Variants in SLC35F1 observed in about 807,000 individuals in gnomAD.
SLC35F1 encodes chromosome 6 open reading frame 169.
In SLC35F1, 14 loss-of-function variants were observed where a neutral mutation model predicts 48.7. The observed-to-expected ratio is 0.29, with a 90% CI of 0.19 to 0.45. SLC35F1 has a LOEUF of 0.45. Among genes scored for constraint, SLC35F1 ranks in the 20% least tolerant of loss-of-function variants. The pLI is 1.00. For missense variants in SLC35F1, 404 were observed against 500.0 expected (o/e 0.81, Z 1.83); for synonymous variants, 190 against 202.2 (o/e 0.94, Z 0.51).
chr6:117,933,966 T>C (rs766450351), intron 1 of SLC35F1, among the ~76,000 whole-genome samples: 2 of 151,822 alleles, frequency 1.3e-5, no homozygotes, highest in Non-Finnish European at 2.9e-5. Flanking sequence ...TTCCATTCAA[T>C]GGAAATAACA....
intron 2 of SLC35F1, among the ~76,000 whole-genome samples, chr6:118,230,681 A>G (rs886790440): frequency 1.3e-5 from 2 of 152,188 alleles, no homozygotes; most frequent in Non-Finnish European, 2.9e-5. Context: ...TAAAAGATAC[A>G]TAACAAAATC....
chr6:118,279,673 A>AG (rs957781225), intron 6 of SLC35F1, among the ~76,000 whole-genome samples: 3 of 152,206 alleles, frequency 2.0e-5, no homozygotes, highest in African/African-American at 7.2e-5. Flanking sequence ...TCACAGAGGC[A>AG]GGGAGATATC....
rs2114789961 is a variant in SLC35F1, at chr6:117,907,653, T to G, written c.-74T>G. 2 of 907,494 alleles carry G rather than the reference T, an allele frequency of 2.2e-6. No individual in the cohort carries two copies. The highest frequency in any genetic ancestry group is 3.1e-6 in the Non-Finnish European group (2 of 649,166). 56.2% of individuals were successfully genotyped at this position (907,494 alleles called of 1,614,324 possible). ...GCCGCCCGGCCGGGTCCTCTGCGCG[T>G]TCCCGGGCCCGGAACCGGCACACGA... On this transcript the variant is annotated 5_prime_UTR_variant, in exon 1 of 8. Transcript: ENST00000360388.
intron 1 of SLC35F1, among the ~76,000 whole-genome samples, chr6:118,003,921 A>G (rs1042137405): frequency 3.9e-5 from 6 of 152,196 alleles, no homozygotes; most frequent in African/African-American, 1.4e-4. Context: ...GTTCAGTCTC[A>G]GTATCCTTAT....
intron 1 of SLC35F1, among the ~76,000 whole-genome samples, chr6:118,122,696 G>A (rs1016470080): frequency 3.3e-5 from 5 of 152,146 alleles, no homozygotes; most frequent in African/African-American, 1.2e-4. Flanking sequence ...ATTCCCTCAT[G>A]AAGGAACTAA....
chr6:118,009,743 A>C (rs1777221261), intron 1 of SLC35F1, among the ~76,000 whole-genome samples: 1 of 152,196 alleles, frequency 6.6e-6, no homozygotes, highest in South Asian at 2.1e-4. Flanking sequence ...AACTGAGTGC[A>C]CAAAATGACA....
chr6:118,091,568 T>C (rs932549154), intron 1 of SLC35F1, among the ~76,000 whole-genome samples: 2 of 152,202 alleles, frequency 1.3e-5, no homozygotes, highest in African/African-American at 4.8e-5. Context: ...ATCTTTTTCC[T>C]GATAAATTAC....
rs1227959504 is a variant in SLC35F1 at position 118,069,457 on chromosome 6, G to A, written c.174-84988G>A. Among the ~76,000 whole-genome samples, 3 of 151,970 alleles carry A rather than the reference G, an allele frequency of 2.0e-5. No homozygotes were observed. The East Asian group carries it at 5.8e-4, about 29-fold the overall frequency. On this transcript the variant is annotated intron_variant, in intron 1 of 7. Coordinates refer to ENST00000360388, the MANE Select transcript of SLC35F1 (RefSeq NM_001029858.4). ...GTATTATTTAATATCTTTTTTTCCA[G>A]GCTCTTTCTCCTGGAATATGTCTAA...
chr6:118,314,023 T>C lies in SLC35F1; in HGVS notation c.1003-5T>C, dbSNP rs973426206. 1.9e-6 allele frequency: 3 copies of C among 1,614,122 alleles called. No homozygotes were observed. The Admixed American group carries it at 5.0e-5, about 27-fold the overall frequency. ...TCAAATGACTTTACTGTTGTGTTTTTTTAGTTTTCAGGACTTTATCTCCTG... is the reference window on the plus strand; with the variant it reads ...TCAAATGACTTTACTGTTGTGTTTTCTTAGTTTTCAGGACTTTATCTCCTG... On this transcript the variant is annotated splice_polypyrimidine_tract_variant and splice_region_variant and intron_variant, in intron 7 of 7. Coordinates refer to ENST00000360388, the MANE Select transcript of SLC35F1 (RefSeq NM_001029858.4).
chr6:118,298,901 A>G (rs283066), intron 7 of SLC35F1, among the ~76,000 whole-genome samples: 84,356 of 152,140 alleles, frequency 0.55, 24,057 homozygotes, highest in African/African-American at 0.68. Context: ...TGTGCTGGGC[A>G]TGGTGGCTCA....
chr6:117,966,835 C>T (rs914241754), intron 1 of SLC35F1, among the ~76,000 whole-genome samples: 2 of 152,144 alleles, frequency 1.3e-5, no homozygotes, highest in Non-Finnish European at 2.9e-5. Context: ...TCTTTAAATA[C>T]CCTGTGTCCA....
chr6:118,244,052 T>G (rs992287926), intron 3 of SLC35F1, among the ~76,000 whole-genome samples: 2 of 152,206 alleles, frequency 1.3e-5, no homozygotes, highest in African/African-American at 4.8e-5. Context: ...ATCTAACTAT[T>G]TGGTTGGGTG....
intron 3 of SLC35F1, among the ~76,000 whole-genome samples, chr6:118,256,995 T>C (rs930984782): frequency 5.3e-5 from 8 of 152,294 alleles, no homozygotes; most frequent in Non-Finnish European, 1.0e-4. Flanking sequence ...TACTATGATA[T>C]GTAGATGTGT....
At chr6:118,226,893 T>C (rs1231356396) in intron 2 of SLC35F1, among the ~76,000 whole-genome samples, 2 of 152,230 alleles carry the variant, frequency 1.3e-5, no homozygotes, top group African/African-American at 4.8e-5. Flanking sequence ...AAAATGATGG[T>C]TATCCCAGTT....
At chr6:118,078,211 C>T (rs942548275) in intron 1 of SLC35F1, among the ~76,000 whole-genome samples, 8 of 151,916 alleles carry the variant, frequency 5.3e-5, no homozygotes, top group South Asian at 2.1e-4. Flanking sequence ...ATAGAAATAA[C>T]GTAAGGCAAA....
chr6:118,099,095 C>T (rs1157389720), intron 1 of SLC35F1, among the ~76,000 whole-genome samples: 1 of 152,180 alleles, frequency 6.6e-6, no homozygotes, highest in Non-Finnish European at 1.5e-5. Context: ...GGGATAGATC[C>T]ACATTCCCTA....
intron 1 of SLC35F1, among the ~76,000 whole-genome samples, chr6:118,134,632 A>G (rs2114429357): frequency 6.6e-6 from 1 of 152,334 alleles, no homozygotes; most frequent in South Asian, 2.1e-4. Flanking sequence ...GGTCAGCAAC[A>G]CGTATGAAGC....
chr6:118,230,369 A>G (rs1353901853), intron 2 of SLC35F1, among the ~76,000 whole-genome samples: 2 of 152,054 alleles, frequency 1.3e-5, no homozygotes, highest in Admixed American at 1.3e-4. Context: ...AACAAGAAAT[A>G]TATGTCTTTT....
chr6:118,022,747 ATTT>A (rs34879607), intron 1 of SLC35F1, among the ~76,000 whole-genome samples: 10 of 120,614 alleles, frequency 8.3e-5, no homozygotes, highest in East Asian at 2.5e-4. Context: ...AGCTTGGACA[ATTT>A]TTTTTTTTTT....
Sources: gnomAD v4.1 joint callset for allele counts (sites outside exome capture counted in the v4.1 genomes callset) on GRCh38, gnomAD v4.1.1 for gene constraint, MANE v1.5 for transcripts, NCBI Gene and HGNC (gene_info 2026-07-23, HGNC 2026-07-21) for gene names.